ARHGAP20: variants seen among roughly 807,000 people sequenced by gnomAD.
The protein encoded by ARHGAP20 is rho GTPase-activating protein 20.
A neutral mutation model predicts 73.7 loss-of-function variants in ARHGAP20; 34 were observed. The observed-to-expected ratio is 0.46, with a 90% CI of 0.35 to 0.61. The LOEUF is 0.61. Among genes scored for constraint, ARHGAP20 ranks in the 20% least tolerant of loss-of-function variants. The probability of loss-of-function intolerance (pLI) is 0.00; values close to 1 mark genes in which losing one functional copy is unlikely to be tolerated. For missense variants in ARHGAP20, 1,314 were observed against 1,420.9 expected, an observed-to-expected ratio of 0.92 and a Z score of 1.21; for synonymous variants, 523 against 518.2, an observed-to-expected ratio of 1.01 and a Z score of -0.13.
rs7935253 is a variant in ARHGAP20, at chr11:110,617,419, C to T, written c.504-1825G>A. Among the ~76,000 whole-genome samples the T allele has an allele frequency of 4.2e-3, 633 of 152,052 alleles. 6 individuals are homozygous for T. Among genetic ancestry groups the T allele is most frequent in the African/African-American group, 0.014 (574 of 41,476 alleles). The stretch of plus-strand genomic sequence containing the variant: ...CTGGGATTACAGGCATGTGCCACCA[C>T]GCCTGGCTAATTTTGTAGTTTTTAG... On this transcript the variant is annotated intron_variant, in intron 4 of 14. Transcript: ENST00000683387.
intron 1 of ARHGAP20, among the ~76,000 whole-genome samples, chr11:110,711,005 CAAAA>C (rs11461759): frequency 1.2e-5 from 1 of 82,544 alleles, no homozygotes; most frequent in Admixed American, 1.3e-4. Context: ...TAAGACAAGG[CAAAA>C]AAAAAAAAAA....
At chr11:110,656,111 T>C (rs1040596282) in intron 2 of ARHGAP20, among the ~76,000 whole-genome samples, 17 of 152,202 alleles carry the variant, frequency 1.1e-4, no homozygotes, top group African/African-American at 4.1e-4. Context: ...TGATGCTCTC[T>C]CTACTTTCAA....
chr11:110,585,080 C>T (rs1049318871), intron 12 of ARHGAP20, among the ~76,000 whole-genome samples: 18 of 148,630 alleles, frequency 1.2e-4, no homozygotes, highest in East Asian at 2.0e-4. Context: ...TATATGAATA[C>T]ATGAATATAT....
intron 9 of ARHGAP20, among the ~76,000 whole-genome samples, chr11:110,595,317 A>C (rs1947928838): frequency 6.6e-6 from 1 of 152,208 alleles, no homozygotes; most frequent in South Asian, 2.1e-4. Flanking sequence ...AGAAGGAAAT[A>C]AAGGGCATTC....
At chr11:110,696,471 A>ATT (rs80242488) in intron 1 of ARHGAP20, among the ~76,000 whole-genome samples, 4 of 151,244 alleles carry the variant, frequency 2.6e-5, no homozygotes, top group South Asian at 4.2e-4. Context: ...TTTTTATCCC[A>ATT]TTTTTTTTGG....
chr11:110,579,709 A>G lies in ARHGAP20; in HGVS notation c.3237T>C (p.Gly1079=), dbSNP rs748232042. The part of the protein sequence containing the change: ...GPLEPPPHAS[G]VPEANSLQEE... ...CTTGCAGTGAGTTGGCTTCTGGAAC[A>G]CCAGAAGCATGTGGGGGTGGCTCTA... Residue 1079 remains glycine, a synonymous_variant, in exon 15 of 15, where the codon GGT becomes GGC. Coordinates refer to ENST00000683387, the MANE Select transcript of ARHGAP20 (RefSeq NM_001384657.1). 1.9e-6 allele frequency: 3 copies of G among 1,614,140 alleles called. No individual in the cohort carries two copies. The Admixed American group carries it at 5.0e-5, about 27-fold the overall frequency.
chr11:110,712,564 G>C (rs1047161543), upstream of ARHGAP20: 2 of 152,868 alleles, frequency 1.3e-5, no homozygotes, highest in Non-Finnish European at 2.9e-5. Context: ...GGCCCTCCTA[G>C]CCTCGTCCCA....
intron 1 of ARHGAP20, among the ~76,000 whole-genome samples, chr11:110,700,565 CT>C (rs376248220): frequency 0.074 from 11,116 of 149,272 alleles, 458 homozygotes; most frequent in Middle Eastern, 0.1. Context: ...AAGATAATTA[CT>C]TTTTTTTTTC....
rs1032253069 is a variant in ARHGAP20, at chr11:110,688,359, G to A, written c.188+2188C>T. Among the ~76,000 whole-genome samples, 10 of 151,876 alleles carry A rather than the reference G, an allele frequency of 6.6e-5. No homozygotes were observed. The East Asian group carries it at 1.6e-3, about 24-fold the overall frequency. On this transcript the variant is annotated intron_variant, in intron 2 of 14. Coordinates refer to ENST00000683387, the MANE Select transcript of ARHGAP20 (RefSeq NM_001384657.1). ...ATACTTATTGCAGATTCTCACCCTGGAGTAGATTGGGGGAAGATGACTGCT... is the reference window on the plus strand; with the variant it reads ...ATACTTATTGCAGATTCTCACCCTGAAGTAGATTGGGGGAAGATGACTGCT...
chr11:110,597,996 C>T (rs2134850164), intron 9 of ARHGAP20, among the ~76,000 whole-genome samples: 1 of 152,242 alleles, frequency 6.6e-6, no homozygotes, highest in South Asian at 2.1e-4. Flanking sequence ...ATCTAGTTTT[C>T]CTAAATGTCC....
At chr11:110,631,250 G>T (rs1488134912) in intron 2 of ARHGAP20, among the ~76,000 whole-genome samples, 2 of 152,080 alleles carry the variant, frequency 1.3e-5, no homozygotes, top group Non-Finnish European at 2.9e-5. Context: ...TATATCCACT[G>T]ACTTTTGACA....
chr11:110,664,451 A>G (rs1949678123), intron 2 of ARHGAP20, among the ~76,000 whole-genome samples: 1 of 152,196 alleles, frequency 6.6e-6, no homozygotes, highest in Non-Finnish European at 1.5e-5. Flanking sequence ...AGAAGGGGCC[A>G]GGCGCAATGG....
chr11:110,608,906 T>C (rs1948298560), intron 8 of ARHGAP20, 78 bp downstream of exon 8: 2 of 1,228,142 alleles, frequency 1.6e-6, no homozygotes, highest in Non-Finnish European at 1.2e-6. Flanking sequence ...CTTAGGACCA[T>C]ATGACCAATT....
In ARHGAP20 at chr11:110,580,212, T is replaced by C. The variant is rs1479511457; in HGVS notation, c.2734A>G (p.Ser912Gly). 5.0e-6 allele frequency: 8 copies of C among 1,614,100 alleles called. No individual in the cohort carries two copies. Among genetic ancestry groups the C allele is most frequent in the African/African-American group, 1.3e-5 (1 of 74,932 alleles). Residue 912 changes from serine to glycine, a missense_variant, in exon 15 of 15, where the codon AGT becomes GGT. This residue lies in a region of ARHGAP20 where 641 missense variants were observed against 636.9 expected (regional missense o/e 1.01). Transcript: ENST00000683387. ...SLVMGIEVGK[S>G]SATNQNTEKV... ...TCAGTGTTTTGGTTTGTGGCACTAC[T>C]CTTGCCCACCTCAATCCCCATGACT...
At chr11:110,648,326 A>C (rs1949270700) in intron 2 of ARHGAP20, among the ~76,000 whole-genome samples, 1 of 112,886 alleles carries the variant, frequency 8.9e-6, no homozygotes, top group South Asian at 3.0e-4. Context: ...GTCTATATGC[A>C]TATGTGTATA....
intron 7 of ARHGAP20, among the ~76,000 whole-genome samples, chr11:110,609,612 G>A (rs1948318880): frequency 6.6e-6 from 1 of 152,078 alleles, no homozygotes; most frequent in Admixed American, 6.6e-5. Flanking sequence ...CAATAAAATT[G>A]TTCACTAGCA....
intron 1 of ARHGAP20, 147 bp from the exon 2 acceptor site, chr11:110,690,776 T>C (rs1950227775): frequency 2.3e-6 from 2 of 883,466 alleles, no homozygotes; most frequent in African/African-American, 1.7e-5. Flanking sequence ...GATAAAACTG[T>C]AACATCTAAA....
chr11:110,612,382 C>T (rs944163530), intron 6 of ARHGAP20, among the ~76,000 whole-genome samples: 11 of 151,154 alleles, frequency 7.3e-5, no homozygotes, highest in Admixed American at 4.0e-4. Context: ...GAGCCGAGAT[C>T]GCGCCACTGC....
At chr11:110,673,434 C>T (rs558076926) in intron 2 of ARHGAP20, among the ~76,000 whole-genome samples, 6 of 152,154 alleles carry the variant, frequency 3.9e-5, no homozygotes, top group East Asian at 3.9e-4. Context: ...AAATCAGATA[C>T]GATACAACCA....
Sources: allele counts gnomAD v4.1 joint callset (sites outside exome capture counted in the v4.1 genomes callset), GRCh38; gene constraint gnomAD v4.1.1; regional missense constraint gnomAD v4.1.1; transcripts MANE v1.5; gene names NCBI Gene and HGNC (gene_info 2026-07-23, HGNC 2026-07-21).